Variants in TCF20 observed in about 807,000 individuals in gnomAD.
TCF20 encodes the protein transcription factor 20.
In TCF20, 3 loss-of-function variants were observed where a neutral mutation model predicts 148.6. The ratio of observed to expected loss-of-function variants is 0.02; its 90% CI spans 0.01 to 0.05. The LOEUF is 0.05. Ranked by LOEUF, TCF20 falls within the 10% of genes least tolerant of loss-of-function variation. The pLI is 1.00. For missense variants in TCF20, 2,350 were observed against 2,429.3 expected (o/e 0.97, Z 0.69); for synonymous variants, 1,049 against 909.5 (o/e 1.15, Z -2.76).
At chr22:42,216,101 T>TTTTTTTG (rs1921767456) in intron 1 of TCF20, among the ~76,000 whole-genome samples, 1 of 134,010 alleles carries the variant, frequency 7.5e-6, no homozygotes, top group African/African-American at 3.1e-5. Context: ...TTTTTTTTTT[T>TTTTTTTG]TTTTTTGAGA....
chr22:42,203,076 T>C (rs748781041), intron 2 of TCF20, among the ~76,000 whole-genome samples: 69 of 152,366 alleles, frequency 4.5e-4, no homozygotes, highest in Non-Finnish European at 7.6e-4. Context: ...GTAATTAACA[T>C]ATAATAACTT....
upstream of TCF20, among the ~76,000 whole-genome samples, chr22:42,271,198 C>T (rs1461748301): frequency 6.6e-6 from 1 of 152,214 alleles, no homozygotes; most frequent in African/African-American, 2.4e-5. Context: ...CCCTGGCAGC[C>T]CCCGCCCATG....
chr22:42,290,107 G>A lies in TCF20; in HGVS notation c.-37+53372C>T, dbSNP rs925078150. On this transcript the variant is annotated intron_variant, in intron 1 of 1. Transcript: ENST00000515426. The surrounding 1 kb of genome is among the most constrained non-coding windows in gnomAD (Gnocchi z 4.2). ...CACCGCCGGCTGCTGCTTGGGGAGC[G>A]GGGGTCAGCCAGGGGGACAAGGGCC... is the stretch of plus-strand genomic sequence containing the variant. Among the ~76,000 whole-genome samples the A allele has an allele frequency of 2.6e-5, 4 of 152,306 alleles. No homozygotes were observed. Among genetic ancestry groups the A allele is most frequent in the African/African-American group, 9.6e-5 (4 of 41,560 alleles).
intron 1 of TCF20, among the ~76,000 whole-genome samples, chr22:42,320,076 G>T (rs1927704119): frequency 6.6e-6 from 1 of 152,114 alleles, no homozygotes; most frequent in African/African-American, 2.4e-5. Flanking sequence ...AAGAAGCACA[G>T]CGAGCTCCTA....
At chr22:42,263,546 C>T (rs931303706) in intron 1 of TCF20, among the ~76,000 whole-genome samples, 5 of 152,156 alleles carry the variant, frequency 3.3e-5, no homozygotes, top group African/African-American at 1.2e-4. Context: ...GAGTTTCACC[C>T]TACATCCAAA....
At chr22:42,258,655 G>A (rs1402333526) in intron 1 of TCF20, among the ~76,000 whole-genome samples, 1 of 152,104 alleles carries the variant, frequency 6.6e-6, no homozygotes, top group East Asian at 1.9e-4. Context: ...TTTCAGTATA[G>A]TATTCAATAA....
chr22:42,265,659 T>TA (rs1270290676), intron 1 of TCF20, among the ~76,000 whole-genome samples: 1 of 152,218 alleles, frequency 6.6e-6, no homozygotes, highest in Non-Finnish European at 1.5e-5. Flanking sequence ...GAATGAGTAC[T>TA]AAGGTGCCTT....
intron 1 of TCF20, among the ~76,000 whole-genome samples, chr22:42,236,446 G>A (rs934016125): frequency 5.3e-5 from 8 of 152,016 alleles, no homozygotes; most frequent in African/African-American, 1.7e-4. Context: ...CCGACGGAGC[G>A]CATTCTTAAT....
chr22:42,335,973 C>T (rs1928059935), intron 1 of TCF20, among the ~76,000 whole-genome samples: 1 of 152,222 alleles, frequency 6.6e-6, no homozygotes, highest in Non-Finnish European at 1.5e-5. Flanking sequence ...ACCAGGAATA[C>T]AGTCCTGGCA....
At chr22:42,265,163 G>A (rs964374282) in intron 1 of TCF20, among the ~76,000 whole-genome samples, 5 of 152,166 alleles carry the variant, frequency 3.3e-5, no homozygotes, top group African/African-American at 1.2e-4. Context: ...TGTGTTTGTC[G>A]CCATGAGAAC....
chr22:42,180,409 C>G (rs1936713189), intron 2 of TCF20, among the ~76,000 whole-genome samples: 1 of 152,134 alleles, frequency 6.6e-6, no homozygotes, highest in Admixed American at 6.5e-5. Context: ...TAAAGTGGGG[C>G]ACATCTCTGT....
intron 1 of TCF20, among the ~76,000 whole-genome samples, chr22:42,324,245 T>C (rs1927828394): frequency 6.6e-6 from 1 of 151,216 alleles, no homozygotes; most frequent in South Asian, 2.1e-4. Context: ...GTGGTGGCCA[T>C]TATTATTGGA....
intron 1 of TCF20, among the ~76,000 whole-genome samples, chr22:42,230,116 G>A (rs534856423): frequency 6.6e-6 from 1 of 152,262 alleles, no homozygotes; most frequent in South Asian, 2.1e-4. Context: ...TTGTCTTCCA[G>A]GTGTACCACA....
chr22:42,245,560 C>T (rs2147328643), intron 1 of TCF20, among the ~76,000 whole-genome samples: 1 of 152,244 alleles, frequency 6.6e-6, no homozygotes, highest in South Asian at 2.1e-4. Context: ...CATCATCTTC[C>T]TAAAATATTG....
intron 1 of TCF20, chr22:42,278,260 C>G (rs1277640829): frequency 6.6e-6 from 1 of 152,196 alleles, no homozygotes; most frequent in Non-Finnish European, 1.5e-5. Flanking sequence ...TTCACAGGAG[C>G]AGTTTCATCT....
chr22:42,182,146 C>T (rs537287808), intron 2 of TCF20, among the ~76,000 whole-genome samples: 1 of 152,322 alleles, frequency 6.6e-6, no homozygotes, highest in African/African-American at 2.4e-5. Flanking sequence ...TTACAGGAAA[C>T]TTGGGTGCTG....
intron 3 of TCF20, among the ~76,000 whole-genome samples, chr22:42,174,896 G>A (rs889863390): frequency 1.3e-4 from 20 of 152,010 alleles, no homozygotes; most frequent in Admixed American, 3.3e-4. Flanking sequence ...TTAGCCGGGC[G>A]TGGCGGCGGG....
upstream of TCF20, among the ~76,000 whole-genome samples, chr22:42,286,681 C>T (rs1318540800): frequency 2.0e-5 from 3 of 152,158 alleles, no homozygotes; most frequent in Non-Finnish European, 4.4e-5. Flanking sequence ...GAAGAAAGTG[C>T]GCTTCAGGGG....
At chr22:42,187,704 C>T (rs1212880155) in intron 2 of TCF20, among the ~76,000 whole-genome samples, 1 of 152,184 alleles carries the variant, frequency 6.6e-6, no homozygotes, top group African/African-American at 2.4e-5. Context: ...ATGATGTTTT[C>T]CATCAGGTTA....
Sources: allele counts gnomAD v4.1 joint callset (sites outside exome capture counted in the v4.1 genomes callset), GRCh38; gene constraint gnomAD v4.1.1; non-coding constraint Gnocchi (gnomAD v3.1); transcripts MANE v1.5; gene names NCBI Gene and HGNC (gene_info 2026-07-23, HGNC 2026-07-21).